The following SUGCT variants were observed in gnomAD, a reference collection of about 807,000 sequenced individuals.
SUGCT encodes succinyl-CoA:glutarate-CoA transferase.
SUGCT carries 41 observed loss-of-function variants against 55.0 expected under a neutral mutation model. That is an observed-to-expected ratio of 0.74 (90% CI 0.58 to 0.97). The LOEUF (loss-of-function observed/expected upper bound fraction) is 0.97, where lower values mean the gene tolerates loss of function less well. SUGCT is among the 50% of genes least tolerant of loss of function. The pLI, the probability that SUGCT is intolerant of heterozygous loss-of-function variation, is 0.00. For missense variants in SUGCT, 568 were observed against 547.8 expected, an observed-to-expected ratio of 1.04 and a Z score of -0.37; for synonymous variants, 187 against 200.4, an observed-to-expected ratio of 0.93 and a Z score of 0.56.
At chr7:40,683,630 T>C (rs549334988) in intron 12 of SUGCT, among the ~76,000 whole-genome samples, 1 of 152,316 alleles carries the variant, frequency 6.6e-6, no homozygotes, top group African/African-American at 2.4e-5. Flanking sequence ...ACTCCATTGC[T>C]TGACTCTCAG....
At chr7:40,310,568 C>T (rs1053340817) in intron 8 of SUGCT, among the ~76,000 whole-genome samples, 3 of 152,142 alleles carry the variant, frequency 2.0e-5, no homozygotes, top group African/African-American at 7.2e-5. Context: ...ATGGTAATAA[C>T]AGGGATACTG....
At chr7:40,153,595 G>T in intron 1 of SUGCT, 1 of 512,586 alleles carries the variant, frequency 2.0e-6, no homozygotes. Flanking sequence ...GGGATACTCA[G>T]CCTCTGTGGT....
chr7:40,876,543 C>T, the SUGCT span, among the ~76,000 whole-genome samples: 1 of 152,256 alleles, frequency 6.6e-6, no homozygotes, highest in Non-Finnish European at 1.5e-5. Flanking sequence ...CATGTGTATA[C>T]CAAGTTGAAA....
intron 13 of SUGCT, among the ~76,000 whole-genome samples, chr7:40,809,545 C>T (rs2128756199): frequency 6.6e-6 from 1 of 152,142 alleles, no homozygotes; most frequent in South Asian, 2.1e-4. Flanking sequence ...TAAAGAAGTA[C>T]CATACTAGGT....
At chr7:40,826,645 G>GC (rs1245316663) in intron 13 of SUGCT, among the ~76,000 whole-genome samples, 1 of 152,176 alleles carries the variant, frequency 6.6e-6, no homozygotes. Context: ...CTGACAAAGA[G>GC]TGACCATTTA....
intron 11 of SUGCT, among the ~76,000 whole-genome samples, chr7:40,474,063 G>C (rs1790534521): frequency 6.6e-6 from 1 of 152,166 alleles, no homozygotes; most frequent in Non-Finnish European, 1.5e-5. Context: ...CTGTAGTTTA[G>C]CTGGTAACAT....
intron 12 of SUGCT, among the ~76,000 whole-genome samples, chr7:40,672,149 C>CA (rs1218600977): frequency 2.0e-5 from 3 of 152,062 alleles, no homozygotes; most frequent in Non-Finnish European, 4.4e-5. Context: ...AAACACAAAA[C>CA]AAAAAACCTA....
intron 11 of SUGCT, among the ~76,000 whole-genome samples, chr7:40,467,401 G>T (rs1191839293): frequency 6.6e-6 from 1 of 151,930 alleles, no homozygotes; most frequent in African/African-American, 2.4e-5. Context: ...TCATTATAAT[G>T]GGGGTATCCA....
intron 8 of SUGCT, among the ~76,000 whole-genome samples, chr7:40,281,087 A>T (rs958855403): frequency 6.6e-6 from 1 of 152,220 alleles, no homozygotes; most frequent in Non-Finnish European, 1.5e-5. Context: ...ATTATTCTGC[A>T]TTTATTATTA....
At chr7:41,001,804 A>G in the SUGCT span, among the ~76,000 whole-genome samples, 2 of 152,230 alleles carry the variant, frequency 1.3e-5, no homozygotes, top group African/African-American at 4.8e-5. Flanking sequence ...TTAAATGTAT[A>G]CATTTTCGGA....
At chr7:40,920,528 G>T in the SUGCT span, among the ~76,000 whole-genome samples, 1 of 152,158 alleles carries the variant, frequency 6.6e-6, no homozygotes, top group Admixed American at 6.5e-5. Flanking sequence ...GAAGCGAGGT[G>T]GTCCAGCTAC....
the SUGCT span, among the ~76,000 whole-genome samples, chr7:40,935,382 A>G: frequency 6.6e-6 from 1 of 152,174 alleles, no homozygotes; most frequent in East Asian, 1.9e-4. Flanking sequence ...GAAACTCCAT[A>G]TCATTAGTTG....
chr7:40,860,335 T>A lies in SUGCT; in HGVS notation c.1173T>A (p.Ser391Arg). 1 of 1,613,892 alleles carries A rather than the reference T, an allele frequency of 6.2e-7. No individual in the cohort carries two copies. Among genetic ancestry groups the A allele is most frequent in the Non-Finnish European group, 8.5e-7 (1 of 1,179,856 alleles). ...ISVPGPAVRYSKFKMSEARPP... is the reference protein window; with the variant it reads ...ISVPGPAVRYRKFKMSEARPP... ...TGGCAGGCCCAGCTGTGAGATACAG[T>A]AAGTTCAAGATGTCAGAGGCCAGGC... Residue 391 changes from serine to arginine, a missense_variant, in exon 14 of 14, where the codon AGT becomes AGA. Transcript: ENST00000335693.
intron 12 of SUGCT, among the ~76,000 whole-genome samples, chr7:40,699,337 C>T (rs911759768): frequency 1.3e-5 from 2 of 151,818 alleles, no homozygotes; most frequent in Non-Finnish European, 2.9e-5. Flanking sequence ...AGGTGGAGAG[C>T]GAGTAGGTTT....
chr7:40,791,813 C>T (rs1790324952), intron 13 of SUGCT, among the ~76,000 whole-genome samples: 1 of 152,196 alleles, frequency 6.6e-6, no homozygotes, highest in Admixed American at 6.5e-5. Flanking sequence ...CCACCATGCT[C>T]TTATAAACAT....
the SUGCT span, among the ~76,000 whole-genome samples, chr7:40,958,325 C>T: frequency 0.085 from 12,962 of 152,070 alleles, 611 homozygotes; most frequent in African/African-American, 0.11. Flanking sequence ...TGTCTCCTCA[C>T]ATAGTCCCGT....
intron 12 of SUGCT, among the ~76,000 whole-genome samples, chr7:40,695,775 T>A (rs1189882035): frequency 6.6e-6 from 1 of 152,114 alleles, no homozygotes; most frequent in African/African-American, 2.4e-5. Context: ...CTATAGGATG[T>A]TTATCAGTTT....
chr7:40,876,198 T>G, the SUGCT span, among the ~76,000 whole-genome samples: 1 of 152,220 alleles, frequency 6.6e-6, no homozygotes, highest in Non-Finnish European at 1.5e-5. Context: ...CAGGGGAATA[T>G]TCCAACTTTG....
At chr7:40,949,563 T>G in the SUGCT span, among the ~76,000 whole-genome samples, 1 of 152,242 alleles carries the variant, frequency 6.6e-6, no homozygotes, top group Non-Finnish European at 1.5e-5. Flanking sequence ...TGCCTAGGTT[T>G]TCTTCTAGGG....
Sources: gnomAD v4.1 joint callset for allele counts (sites outside exome capture counted in the v4.1 genomes callset) on GRCh38, gnomAD v4.1.1 for gene constraint, MANE v1.5 for transcripts, NCBI Gene and HGNC (gene_info 2026-07-23, HGNC 2026-07-21) for gene names.